Variants in CLSTN2 observed in about 807,000 individuals in gnomAD.
CLSTN2 encodes calsyntenin-2.
A neutral mutation model predicts 101.2 loss-of-function variants in CLSTN2; 48 were observed. That is an observed-to-expected ratio of 0.47 (90% confidence interval 0.38 to 0.60). The LOEUF (loss-of-function observed/expected upper bound fraction) is 0.60. Ranked by LOEUF, CLSTN2 falls within the 20% of genes least tolerant of loss-of-function variation. The pLI is 0.00. For missense variants in CLSTN2, 1,160 were observed against 1,238.2 expected (o/e 0.94, Z 0.95); for synonymous variants, 481 against 463.6 (o/e 1.04, Z -0.48).
At chr3:140,422,373 A>G (rs2088516169) in intron 5 of CLSTN2, among the ~76,000 whole-genome samples, 1 of 152,180 alleles carries the variant, frequency 6.6e-6, no homozygotes, top group Non-Finnish European at 1.5e-5. Context: ...CCAATTCATC[A>G]GGGTCAGATT....
chr3:139,997,719 G>GTACATTTTCAAATATACATTTCAAATA (rs1484988151), intron 1 of CLSTN2, among the ~76,000 whole-genome samples: 1 of 151,918 alleles, frequency 6.6e-6, no homozygotes. Context: ...CATTTCAAAT[G>GTACATTTTCAAATATACATTTCAAATA]TACATTTTCA....
intron 8 of CLSTN2, among the ~76,000 whole-genome samples, chr3:140,484,755 C>T (rs1027158664): frequency 6.6e-6 from 1 of 152,220 alleles, no homozygotes; most frequent in Non-Finnish European, 1.5e-5. Context: ...ATCGAATCGG[C>T]TACTGAGGCT....
chr3:140,084,670 T>C (rs1041805206), intron 1 of CLSTN2, among the ~76,000 whole-genome samples: 22 of 152,212 alleles, frequency 1.4e-4, no homozygotes, highest in Non-Finnish European at 1.0e-4. Context: ...CAAGACACAC[T>C]GATATGGGAT....
chr3:140,268,227 A>G (rs976674263), intron 2 of CLSTN2, among the ~76,000 whole-genome samples: 13 of 152,144 alleles, frequency 8.5e-5, no homozygotes, highest in African/African-American at 3.1e-4. Context: ...CAGAAGAGGG[A>G]GGAATCATCC....
chr3:140,537,933 G>T (rs568493252), intron 9 of CLSTN2, among the ~76,000 whole-genome samples: 2 of 152,238 alleles, frequency 1.3e-5, no homozygotes, highest in South Asian at 4.1e-4. Flanking sequence ...GGGAGCCCTG[G>T]GGTTTCCAGG....
intron 5 of CLSTN2, among the ~76,000 whole-genome samples, chr3:140,444,719 G>A (rs1301857379): frequency 3.3e-5 from 5 of 152,160 alleles, no homozygotes; most frequent in Admixed American, 1.3e-4. Flanking sequence ...CCCAAAATCC[G>A]GGGTGGTAGA....
At chr3:140,446,462 C>T (rs964786103) in intron 5 of CLSTN2, among the ~76,000 whole-genome samples, 3 of 152,144 alleles carry the variant, frequency 2.0e-5, no homozygotes, top group Non-Finnish European at 2.9e-5. Context: ...GGGCTCAGAG[C>T]TAAACTCAGA....
chr3:140,427,205 G>GTA (rs1438970165), intron 5 of CLSTN2, among the ~76,000 whole-genome samples: 1 of 78,934 alleles, frequency 1.3e-5, no homozygotes, highest in African/African-American at 9.5e-5. Flanking sequence ...ATATATATAT[G>GTA]TGTATATATA....
chr3:140,503,951 A>G (rs1232932949), intron 8 of CLSTN2, among the ~76,000 whole-genome samples: 2 of 152,148 alleles, frequency 1.3e-5, no homozygotes, highest in Non-Finnish European at 2.9e-5. Context: ...AGAGCCTGCC[A>G]TCTTCAGCCT....
At chr3:140,254,578 A>G (rs2086589778) in intron 2 of CLSTN2, among the ~76,000 whole-genome samples, 1 of 152,202 alleles carries the variant, frequency 6.6e-6, no homozygotes, top group Admixed American at 6.5e-5. Flanking sequence ...ATGAGGAAGG[A>G]CAGAGACCAT....
At chr3:140,219,175 T>C (rs1232315737) in intron 2 of CLSTN2, among the ~76,000 whole-genome samples, 1 of 151,952 alleles carries the variant, frequency 6.6e-6, no homozygotes, top group Non-Finnish European at 1.5e-5. Flanking sequence ...GTTGGAGACA[T>C]GTGTGCCTGC....
intron 5 of CLSTN2, among the ~76,000 whole-genome samples, chr3:140,424,652 G>A (rs969246853): frequency 3.3e-5 from 5 of 152,226 alleles, no homozygotes; most frequent in Non-Finnish European, 5.9e-5. Flanking sequence ...ACTTGCAGAT[G>A]ATGCAGACTG....
chr3:140,267,113 A>G (rs1363281182), intron 2 of CLSTN2, among the ~76,000 whole-genome samples: 1 of 152,170 alleles, frequency 6.6e-6, no homozygotes, highest in Non-Finnish European at 1.5e-5. Context: ...TGAAGAATGG[A>G]CCATGTTCCT....
intron 1 of CLSTN2, among the ~76,000 whole-genome samples, chr3:140,136,023 T>C (rs1167464373): frequency 6.6e-6 from 1 of 152,182 alleles, no homozygotes; most frequent in Non-Finnish European, 1.5e-5. Flanking sequence ...AAAGGCAGAG[T>C]GAGGGTCACT....
rs1292651864 is a variant in CLSTN2 at position 140,476,088 on chromosome 3, G to T, written c.1344+9357G>T. Reference sequence around the variant, plus strand: ...TTCCTTTGGGGATTGGTGCCAGTGGGAGGGAGGGAGGCGTCTCCTTGGCTT... The same window carrying T: ...TTCCTTTGGGGATTGGTGCCAGTGGTAGGGAGGGAGGCGTCTCCTTGGCTT... On this transcript the variant is annotated intron_variant, in intron 8 of 16. Coordinates refer to ENST00000458420, the MANE Select transcript of CLSTN2 (RefSeq NM_022131.3). Among the ~76,000 whole-genome samples the T allele has an allele frequency of 2.0e-5, 3 of 152,296 alleles. No homozygotes were observed. In the East Asian group the frequency reaches 5.8e-4, roughly 29 times the overall value.
At chr3:140,493,901 T>A (rs970905675) in intron 8 of CLSTN2, among the ~76,000 whole-genome samples, 4 of 152,212 alleles carry the variant, frequency 2.6e-5, no homozygotes, top group African/African-American at 7.2e-5. Context: ...TAGACCACGT[T>A]GAAGGGTGTT....
At chr3:140,353,591 T>C (rs1353328765) in intron 2 of CLSTN2, among the ~76,000 whole-genome samples, 2 of 152,154 alleles carry the variant, frequency 1.3e-5, no homozygotes, top group African/African-American at 2.4e-5. Context: ...CCAGGATCAA[T>C]ACTTCGCATC....
Position 140,042,395 on chromosome 3 carries a change from G to A in CLSTN2, c.109+106912G>A, listed in dbSNP as rs1002511095. Among the ~76,000 whole-genome samples, 6 of 152,248 alleles carry A rather than the reference G, an allele frequency of 3.9e-5. No individual in the cohort carries two copies. In the East Asian group the frequency reaches 1.2e-3, roughly 29 times the overall value. On this transcript the variant is annotated intron_variant, in intron 1 of 16. Coordinates refer to ENST00000458420, the MANE Select transcript of CLSTN2 (RefSeq NM_022131.3). ...TTGTCAAGGTTTACCATATTGTGGTGTCTATTAGTACTTTATCCCTTTTTA... is the reference window on the plus strand; with the variant it reads ...TTGTCAAGGTTTACCATATTGTGGTATCTATTAGTACTTTATCCCTTTTTA...
At chr3:139,976,206 C>T (rs139433449) in intron 1 of CLSTN2, among the ~76,000 whole-genome samples, 93 of 152,242 alleles carry the variant, frequency 6.1e-4, no homozygotes, top group African/African-American at 2.0e-3. Context: ...CCCTGGGGAT[C>T]GGGAGCCTCC....
Sources: allele counts gnomAD v4.1 joint callset (sites outside exome capture counted in the v4.1 genomes callset), GRCh38; gene constraint gnomAD v4.1.1; transcripts MANE v1.5; gene names NCBI Gene and HGNC (gene_info 2026-07-23, HGNC 2026-07-21).